Variants in ADCY2 observed in about 807,000 individuals in gnomAD.
ADCY2 encodes adenylate cyclase type 2.
ADCY2 carries 31 observed loss-of-function variants against 125.2 expected under a neutral mutation model. That is an observed-to-expected ratio of 0.25 (90% CI 0.19 to 0.33). The LOEUF is 0.33. Ranked by LOEUF, ADCY2 falls within the 10% of genes least tolerant of loss-of-function variation. The probability of loss-of-function intolerance (pLI) is 1.00; values close to 1 mark genes in which losing one functional copy is unlikely to be tolerated. For missense variants in ADCY2, 904 were observed against 1,418.2 expected, an observed-to-expected ratio of 0.64 and a Z score of 5.82; for synonymous variants, 512 against 548.4, an observed-to-expected ratio of 0.93 and a Z score of 0.93.
intron 2 of ADCY2, among the ~76,000 whole-genome samples, chr5:7,451,573 T>C (rs1741470628): frequency 1.3e-5 from 2 of 152,228 alleles, no homozygotes; most frequent in South Asian, 4.1e-4. Context: ...GGATTTATAA[T>C]ATTACAGAAA....
intron 3 of ADCY2, among the ~76,000 whole-genome samples, chr5:7,583,639 C>T (rs1324641165): frequency 6.6e-6 from 1 of 152,018 alleles, no homozygotes; most frequent in Non-Finnish European, 1.5e-5. Flanking sequence ...ATAACTGGAC[C>T]TTTTGTACAT....
intron 15 of ADCY2, 121 bp from the exon 16 acceptor site, chr5:7,757,328 T>C: frequency 7.8e-7 from 1 of 1,281,482 alleles, no homozygotes; most frequent in Non-Finnish European, 1.1e-6. Flanking sequence ...GAGGATAGAA[T>C]CTACATGTTT....
intron 3 of ADCY2, among the ~76,000 whole-genome samples, chr5:7,558,274 A>G (rs1579571708): frequency 6.6e-6 from 1 of 152,142 alleles, no homozygotes; most frequent in East Asian, 1.9e-4. Flanking sequence ...GCTGGTCTGG[A>G]GCTCCAGGGA....
At chr5:7,482,702 C>G (rs551462272) in intron 2 of ADCY2, among the ~76,000 whole-genome samples, 1 of 149,312 alleles carries the variant, frequency 6.7e-6, no homozygotes, top group East Asian at 2.0e-4. Flanking sequence ...TAGCACTATT[C>G]CTAATAGCCA....
At chr5:7,549,573 G>A (rs1038064323) in intron 3 of ADCY2, among the ~76,000 whole-genome samples, 17 of 152,202 alleles carry the variant, frequency 1.1e-4, no homozygotes, top group Non-Finnish European at 1.9e-4. Context: ...ACAAGCAAGT[G>A]CTCATTTGCT....
intron 3 of ADCY2, among the ~76,000 whole-genome samples, chr5:7,564,799 G>A (rs968182126): frequency 6.6e-6 from 1 of 152,080 alleles, no homozygotes; most frequent in African/African-American, 2.4e-5. Context: ...AAAGCATAGC[G>A]AATGTCACCC....
intron 3 of ADCY2, among the ~76,000 whole-genome samples, chr5:7,556,216 A>G (rs1735502703): frequency 1.3e-5 from 2 of 152,280 alleles, no homozygotes; most frequent in South Asian, 2.1e-4. Flanking sequence ...TTTTACACAT[A>G]TTGATTGCAT....
At chr5:7,495,187 C>A (rs1465943307) in intron 2 of ADCY2, among the ~76,000 whole-genome samples, 2 of 152,168 alleles carry the variant, frequency 1.3e-5, no homozygotes, top group African/African-American at 2.4e-5. Context: ...GCCCTAATCA[C>A]CCCCGTGCCT....
intron 2 of ADCY2, among the ~76,000 whole-genome samples, chr5:7,444,696 T>C (rs915619817): frequency 1.3e-5 from 2 of 152,212 alleles, no homozygotes; most frequent in African/African-American, 4.8e-5. Context: ...ATGATATTGC[T>C]GGCTATTGTT....
At chr5:7,756,735 GA>G (rs2126456998) in intron 15 of ADCY2, among the ~76,000 whole-genome samples, 1 of 152,280 alleles carries the variant, frequency 6.6e-6, no homozygotes, top group South Asian at 2.1e-4. Flanking sequence ...TGGTAAGACT[GA>G]AAATCCTAGA....
chr5:7,512,080 G>A (rs1744082193), intron 2 of ADCY2, among the ~76,000 whole-genome samples: 1 of 151,674 alleles, frequency 6.6e-6, no homozygotes, highest in South Asian at 2.1e-4. Flanking sequence ...CATTAGCCAG[G>A]CGTGGTGGTG....
At chr5:7,635,206 C>T (rs1738453597) in intron 4 of ADCY2, among the ~76,000 whole-genome samples, 1 of 152,068 alleles carries the variant, frequency 6.6e-6, no homozygotes, top group Non-Finnish European at 1.5e-5. Flanking sequence ...AGTAAGATAG[C>T]AACGTAAACT....
chr5:7,559,428 T>C (rs1735636492), intron 3 of ADCY2, among the ~76,000 whole-genome samples: 1 of 152,218 alleles, frequency 6.6e-6, no homozygotes, highest in African/African-American at 2.4e-5. Flanking sequence ...TTTTATACTT[T>C]TTGTGGCAAT....
intron 2 of ADCY2, among the ~76,000 whole-genome samples, chr5:7,430,410 C>A: frequency 6.6e-6 from 1 of 151,530 alleles, no homozygotes; most frequent in East Asian, 1.9e-4. Flanking sequence ...AACTACAGAC[C>A]AGTATCTTTC....
chr5:7,803,977 C>T (rs970289800), intron 21 of ADCY2, among the ~76,000 whole-genome samples: 1 of 148,102 alleles, frequency 6.8e-6, no homozygotes, highest in Non-Finnish European at 1.5e-5. Flanking sequence ...TATCGTATGG[C>T]TCCTCTTCTG....
intron 2 of ADCY2, among the ~76,000 whole-genome samples, chr5:7,459,705 A>G (rs774279964): frequency 4.6e-5 from 7 of 151,108 alleles, no homozygotes; most frequent in African/African-American, 1.7e-4. Context: ...TAGACATGAC[A>G]CATAACATTA....
chr5:7,514,473 G>T (rs768488929), intron 2 of ADCY2, among the ~76,000 whole-genome samples: 2 of 152,192 alleles, frequency 1.3e-5, no homozygotes, highest in Non-Finnish European at 2.9e-5. Context: ...AACATGGGAT[G>T]TGAAGTGGGC....
chr5:7,439,972 C>T (rs113053523), intron 2 of ADCY2, among the ~76,000 whole-genome samples: 2 of 152,016 alleles, frequency 1.3e-5, no homozygotes, highest in African/African-American at 2.4e-5. Flanking sequence ...AGTAAACCTG[C>T]GATTGTTCCA....
At chr5:7,543,185 G>A (rs1010184838) in intron 3 of ADCY2, among the ~76,000 whole-genome samples, 11 of 152,250 alleles carry the variant, frequency 7.2e-5, no homozygotes, top group African/African-American at 2.6e-4. Flanking sequence ...CGTATGTGGA[G>A]TACAATCTTC....
Sources: gnomAD v4.1 joint callset for allele counts (sites outside exome capture counted in the v4.1 genomes callset) on GRCh38, gnomAD v4.1.1 for gene constraint, MANE v1.5 for transcripts, NCBI Gene and HGNC (gene_info 2026-07-23, HGNC 2026-07-21) for gene names.